Variants in SMARCA4 observed in about 807,000 individuals in gnomAD.
SMARCA4 encodes SWI/SNF related BAF chromatin remodeling complex subunit ATPase 4.
In SMARCA4, 31 loss-of-function variants were observed where a neutral mutation model predicts 193.9. The observed-to-expected ratio is 0.16, with a 90% CI of 0.12 to 0.22. SMARCA4 has a LOEUF of 0.22. Among genes scored for constraint, SMARCA4 ranks in the 10% least tolerant of loss-of-function variants. The pLI, the probability that SMARCA4 is intolerant of heterozygous loss-of-function variation, is 1.00. For synonymous variants in SMARCA4, 942 were observed against 933.1 expected (o/e 1.01, Z -0.17); for missense variants, 1,148 against 2,296.0 (o/e 0.50, Z 10.22).
At position 10,986,184 on chromosome 19, in the gene SMARCA4, T is replaced by A. The variant is rs758315191; in HGVS notation, c.356-5T>A. ...AGTGACCAGTGGGCTGACCTTTCTC[T>A]GCAGGTTACCCCTCGCCCCTGGGTG... On this transcript the variant is annotated splice_region_variant and splice_polypyrimidine_tract_variant and intron_variant, in intron 3 of 34. Transcript: ENST00000344626. This position sits in a 1 kb window ranked among gnomAD's most constrained non-coding sequence, Gnocchi z 6.7. The A allele has an allele frequency of 6.2e-7, 1 of 1,612,756 alleles. No homozygotes were observed. Among genetic ancestry groups the A allele is most frequent in the South Asian group, 1.1e-5 (1 of 91,064 alleles).
chr19:11,006,720 C>T (rs1337776489), intron 13 of SMARCA4, among the ~76,000 whole-genome samples: 1 of 152,094 alleles, frequency 6.6e-6, no homozygotes, highest in East Asian at 1.9e-4. Context: ...CATTGTATAA[C>T]AGGGGTAGGA....
intron 6 of SMARCA4, among the ~76,000 whole-genome samples, chr19:10,988,827 G>A (rs1380966264): frequency 4.6e-5 from 7 of 152,174 alleles, no homozygotes; most frequent in African/African-American, 1.7e-4. Flanking sequence ...CTGGCATACA[G>A]TTGGTGCTCA....
chr19:10,979,884 A>G (rs1599892397), intron 1 of SMARCA4, among the ~76,000 whole-genome samples: 1 of 151,994 alleles, frequency 6.6e-6, no homozygotes, highest in Non-Finnish European at 1.5e-5. Context: ...GTCAGGAGGG[A>G]TGTCTGACGC....
chr19:11,009,369 A>G (rs1056384343), intron 14 of SMARCA4, among the ~76,000 whole-genome samples: 1 of 152,056 alleles, frequency 6.6e-6, no homozygotes, highest in Non-Finnish European at 1.5e-5. Context: ...CAAATTGCCT[A>G]AGTTTTAACA....
chr19:10,971,462 C>G lies in SMARCA4; in HGVS notation c.-32+10288C>G, dbSNP rs960614474. Among the ~76,000 whole-genome samples the G allele has an allele frequency of 3.4e-4, 51 of 151,826 alleles. 1 individual carries two copies. Among genetic ancestry groups the G allele is most frequent in the Admixed American group, 1.3e-4 (2 of 15,220 alleles). The stretch of plus-strand genomic sequence containing the variant: ...GAACCCTGCTTGATTAGATTTATAG[C>G]ACTTCCACCCTCTATGTGACATTGT... On this transcript the variant is annotated intron_variant, in intron 1 of 34. Coordinates refer to ENST00000344626, the MANE Select transcript of SMARCA4 (RefSeq NM_003072.5).
chr19:11,043,570 C>G (rs1056316308), intron 30 of SMARCA4, among the ~76,000 whole-genome samples: 2 of 152,060 alleles, frequency 1.3e-5, no homozygotes, highest in Non-Finnish European at 2.9e-5. Flanking sequence ...GGGAGGATCA[C>G]TTGAGCACAG....
Position 11,003,358 on chromosome 19 carries a change from G to A in SMARCA4, c.1962G>A (p.Arg654=), listed in dbSNP as rs762656154. Residue 654 remains arginine (R), a synonymous_variant, in exon 13 of 35, where the codon AGG becomes AGA. Coordinates refer to ENST00000344626, the MANE Select transcript of SMARCA4 (RefSeq NM_003072.5). ...TTTCTAGGTATGAAGTAGCTCCGAG[G>A]TCTGATAGTGAAGAAAGTGGCTCAG... ...EMNPGYEVAP[R]SDSEESGSEE... The A allele has an allele frequency of 6.2e-6, 10 of 1,614,150 alleles. No individual in the cohort carries two copies. Among genetic ancestry groups the A allele is most frequent in the South Asian group, 1.1e-5 (1 of 91,082 alleles).
chr19:10,991,945 C>A (rs553769631), intron 8 of SMARCA4, among the ~76,000 whole-genome samples: 1 of 152,170 alleles, frequency 6.6e-6, no homozygotes, highest in Non-Finnish European at 1.5e-5. Context: ...CAGGGTTTCC[C>A]AAGATGAATC....
intron 14 of SMARCA4, 89 bp from the exon 15 acceptor site, chr19:11,010,292 G>A (rs1361527800): frequency 7.0e-7 from 1 of 1,429,884 alleles, no homozygotes; most frequent in African/African-American, 1.4e-5. Flanking sequence ...CAGCAGAAAG[G>A]GCCACTCCGC....
At chr19:11,060,920 C>T (rs912232397) in intron 34 of SMARCA4, among the ~76,000 whole-genome samples, 2 of 152,134 alleles carry the variant, frequency 1.3e-5, no homozygotes, top group African/African-American at 4.8e-5. Context: ...ATGAAGTCCT[C>T]ATGTGGAGGG....
At position 10,987,100 on chromosome 19, in the gene SMARCA4, G is replaced by A; in HGVS notation, c.859+97G>A. 1 of 898,800 alleles carries A rather than the reference G, an allele frequency of 1.1e-6. No homozygotes were observed. The highest frequency in any genetic ancestry group is 1.4e-5 in the South Asian group (1 of 72,670). 55.7% of individuals were successfully genotyped at this position (898,800 alleles called of 1,614,324 possible). On this transcript the variant is annotated intron_variant, in intron 5 of 34. Coordinates refer to ENST00000344626, the MANE Select transcript of SMARCA4 (RefSeq NM_003072.5). The surrounding 1 kb of genome is among the most constrained non-coding windows in gnomAD (Gnocchi z 5.3). ...GCTTTGTCAGGGAGAAAGGGCCGAG[G>A]GTGGTCAGGCTGAACTGCAGCCTGT...
intron 13 of SMARCA4, among the ~76,000 whole-genome samples, chr19:11,005,142 AT>A (rs1568458971): frequency 6.6e-6 from 1 of 151,722 alleles, no homozygotes; most frequent in African/African-American, 2.4e-5. Flanking sequence ...GGCCTCTCCT[AT>A]TTTTTTGCTT....
At chr19:11,061,200 A>ATATAT (rs1555796973) in intron 34 of SMARCA4, among the ~76,000 whole-genome samples, 15 of 70,494 alleles carry the variant, frequency 2.1e-4, no homozygotes, top group South Asian at 4.3e-4. Context: ...AAAAAAAAAA[A>ATATAT]AAAAATATAT....
chr19:10,975,444 T>G (rs2085054664), intron 1 of SMARCA4, among the ~76,000 whole-genome samples: 1 of 151,806 alleles, frequency 6.6e-6, no homozygotes, highest in Admixed American at 6.6e-5. Flanking sequence ...CCCGAATAGC[T>G]GGGACTACAG....
chr19:10,984,645 A>C lies in SMARCA4; in HGVS notation c.222+272A>C, dbSNP rs574662038. Among the ~76,000 whole-genome samples the C allele has an allele frequency of 7.4e-4, 113 of 152,378 alleles. 2 individuals are homozygous for C. Among genetic ancestry groups the C allele is most frequent in the African/African-American group, 2.6e-3 (109 of 41,594 alleles). ...TGCTTTCTGCATGTGAAATTTGGGAATATCACTACAAAGTTTTCTTTTGGT... is the reference window on the plus strand; with the variant it reads ...TGCTTTCTGCATGTGAAATTTGGGACTATCACTACAAAGTTTTCTTTTGGT... On this transcript the variant is annotated intron_variant, in intron 2 of 34. Transcript: ENST00000344626. This position sits in a 1 kb window ranked among gnomAD's most constrained non-coding sequence, Gnocchi z 4.3.
At chr19:11,027,450 G>A (rs1247225827) in intron 23 of SMARCA4, among the ~76,000 whole-genome samples, 1 of 152,184 alleles carries the variant, frequency 6.6e-6, no homozygotes, top group Non-Finnish European at 1.5e-5. Flanking sequence ...AGGGGACAAG[G>A]TCTGGCTTCC....
intron 29 of SMARCA4, chr19:11,039,690 T>A: frequency 2.3e-6 from 1 of 433,132 alleles, no homozygotes; most frequent in East Asian, 3.6e-5. Flanking sequence ...TATATTTTTT[T>A]AAATGCCCAG....
In SMARCA4 at chr19:10,993,556, A is replaced by G. The variant is rs1013929149; in HGVS notation, c.1420-1272A>G. Among the ~76,000 whole-genome samples, 8 of 152,154 alleles carry G rather than the reference A, an allele frequency of 5.3e-5. No homozygotes were observed. In the East Asian group the frequency reaches 1.3e-3, roughly 26 times the overall value. ...GTTGGAAGCATTTTTGAGACATTTCACATCCGTGCCATGCTGCCCTGCCAG... is the reference window on the plus strand; with the variant it reads ...GTTGGAAGCATTTTTGAGACATTTCGCATCCGTGCCATGCTGCCCTGCCAG... On this transcript the variant is annotated intron_variant, in intron 8 of 34. Transcript: ENST00000344626.
intron 1 of SMARCA4, among the ~76,000 whole-genome samples, chr19:10,970,187 C>T (rs977220732): frequency 1.8e-4 from 27 of 152,066 alleles, no homozygotes; most frequent in Non-Finnish European, 2.6e-4. Flanking sequence ...GTGGCATGTA[C>T]GGAGGGGCCA....
Sources: allele counts gnomAD v4.1 joint callset (sites outside exome capture counted in the v4.1 genomes callset), GRCh38; gene constraint gnomAD v4.1.1; non-coding constraint Gnocchi (gnomAD v3.1); transcripts MANE v1.5; gene names NCBI Gene and HGNC (gene_info 2026-07-23, HGNC 2026-07-21).